The following SNX9 variants were observed in gnomAD, a reference collection of about 807,000 sequenced individuals.
The protein encoded by SNX9 is sorting nexin-9.
In SNX9, 44 loss-of-function variants were observed where a neutral mutation model predicts 89.4. The observed-to-expected ratio is 0.49, with a 90% CI of 0.39 to 0.63. The LOEUF is 0.63. SNX9 is among the 30% of genes least tolerant of loss of function. The pLI, the probability that SNX9 is intolerant of heterozygous loss-of-function variation, is 0.00. For missense variants in SNX9, 578 were observed against 736.1 expected (o/e 0.79, Z 2.49); for synonymous variants, 236 against 247.8 (o/e 0.95, Z 0.45).
chr6:157,836,644 G>A (rs536283303), intron 1 of SNX9, among the ~76,000 whole-genome samples: 2 of 151,486 alleles, frequency 1.3e-5, no homozygotes, highest in African/African-American at 4.8e-5. Flanking sequence ...AGGCTGGAGT[G>A]CAGTGGCGCG....
rs749637373 is a variant in SNX9, at chr6:157,942,865, C to A, written c.*27C>A. ...ACAGAACGGGCCTTGAAGAGAATGCCGCGTGCTTTCTCCTGACTTGGGGCA... is the reference window on the plus strand; with the variant it reads ...ACAGAACGGGCCTTGAAGAGAATGCAGCGTGCTTTCTCCTGACTTGGGGCA... On this transcript the variant is annotated 3_prime_UTR_variant, in exon 18 of 18. Coordinates refer to ENST00000392185, the MANE Select transcript of SNX9 (RefSeq NM_016224.5). 4 of 1,602,684 alleles carry A rather than the reference C, an allele frequency of 2.5e-6. No individual in the cohort carries two copies. Among genetic ancestry groups the A allele is most frequent in the African/African-American group, 1.3e-5 (1 of 74,646 alleles).
At chr6:157,840,476 C>CCCT (rs1448418064) in intron 1 of SNX9, among the ~76,000 whole-genome samples, 8 of 125,876 alleles carry the variant, frequency 6.4e-5, no homozygotes, top group South Asian at 2.2e-4. Flanking sequence ...TCTCCCTTCT[C>CCCT]TCTCTCTCTC....
At chr6:157,869,678 A>C (rs533546244) in intron 2 of SNX9, among the ~76,000 whole-genome samples, 10 of 152,268 alleles carry the variant, frequency 6.6e-5, no homozygotes, top group Non-Finnish European at 1.0e-4. Flanking sequence ...CTAAACGGCC[A>C]GTGTGGCCAG....
intron 12 of SNX9, among the ~76,000 whole-genome samples, chr6:157,930,550 C>G (rs1422212839): frequency 1.3e-5 from 2 of 152,216 alleles, no homozygotes; most frequent in East Asian, 3.9e-4. Context: ...CTCCCCATCA[C>G]TCACATTACC....
At chr6:157,932,073 T>G in intron 12 of SNX9, 122 bp from the exon 13 acceptor site, 1 of 749,152 alleles carries the variant, frequency 1.3e-6, no homozygotes, top group Non-Finnish European at 2.2e-6. Context: ...CAGTATTTTG[T>G]GAAGGAATAT....
In SNX9 at chr6:157,864,509, G is replaced by A. The variant is rs561501284; in HGVS notation, c.13-3038G>A. Among the ~76,000 whole-genome samples, 20 of 152,248 alleles carry A rather than the reference G, an allele frequency of 1.3e-4. No homozygotes were observed. The East Asian group carries it at 3.7e-3, about 28-fold the overall frequency. ...CTAAGTTTAGTAAACAAGAGGCTTA[G>A]GTATTCTATATTTGGAAACTAATTG... On this transcript the variant is annotated intron_variant, in intron 1 of 17. Transcript: ENST00000392185.
chr6:157,892,643 T>G (rs1011082449), intron 4 of SNX9: 1 of 152,252 alleles, frequency 6.6e-6, no homozygotes, highest in African/African-American at 2.4e-5. Context: ...GTTTTTGCCC[T>G]AATTAAATGG....
intron 4 of SNX9, among the ~76,000 whole-genome samples, chr6:157,890,700 G>A (rs1240025086): frequency 2.0e-5 from 3 of 152,200 alleles, no homozygotes; most frequent in African/African-American, 7.2e-5. Flanking sequence ...AGCAGGAGAT[G>A]GCAGGTTACC....
chr6:157,857,905 A>G (rs1291971149), intron 1 of SNX9, among the ~76,000 whole-genome samples: 2 of 152,238 alleles, frequency 1.3e-5, no homozygotes, highest in African/African-American at 4.8e-5. Flanking sequence ...AAAACAACAA[A>G]TACTTTGTAT....
At chr6:157,836,145 CT>C (rs1562589489) in intron 1 of SNX9, among the ~76,000 whole-genome samples, 2 of 152,020 alleles carry the variant, frequency 1.3e-5, no homozygotes, top group East Asian at 3.9e-4. Context: ...GAGACAGGGT[CT>C]CTCTATGTGC....
intron 9 of SNX9, among the ~76,000 whole-genome samples, chr6:157,920,484 C>T (rs1783561215): frequency 6.6e-6 from 1 of 152,144 alleles, no homozygotes; most frequent in South Asian, 2.1e-4. Flanking sequence ...ACCACCATGT[C>T]GAACACGTGG....
At chr6:157,928,073 C>A (rs866392051) in intron 11 of SNX9, among the ~76,000 whole-genome samples, 16 of 152,284 alleles carry the variant, frequency 1.1e-4, no homozygotes, top group African/African-American at 3.6e-4. Flanking sequence ...TGACCTCACA[C>A]TAGACATTTT....
intron 6 of SNX9, among the ~76,000 whole-genome samples, chr6:157,905,445 G>A (rs535746891): frequency 6.6e-6 from 1 of 152,192 alleles, no homozygotes; most frequent in Non-Finnish European, 1.5e-5. Flanking sequence ...TGTTCTAGCT[G>A]TCCTCTAATT....
intron 7 of SNX9, among the ~76,000 whole-genome samples, chr6:157,906,892 A>C (rs1783227780): frequency 6.6e-6 from 1 of 152,216 alleles, no homozygotes. Flanking sequence ...TAACCCTGTA[A>C]CAATTAGATT....
chr6:157,923,515 A>G (rs1239980668), intron 10 of SNX9, among the ~76,000 whole-genome samples: 2 of 152,236 alleles, frequency 1.3e-5, no homozygotes, highest in African/African-American at 4.8e-5. Context: ...AAAGATCTAC[A>G]TAGAAAACTA....
intron 1 of SNX9, among the ~76,000 whole-genome samples, chr6:157,845,573 T>C (rs1007000428): frequency 9.2e-5 from 14 of 152,370 alleles, no homozygotes; most frequent in Non-Finnish European, 1.9e-4. Context: ...TAATCACAAC[T>C]GGTTCATGGT....
intron 4 of SNX9, among the ~76,000 whole-genome samples, chr6:157,894,483 A>AAAAAG (rs1484288021): frequency 6.6e-6 from 1 of 151,446 alleles, no homozygotes; most frequent in African/African-American, 2.4e-5. Context: ...AAAAAAAAAA[A>AAAAAG]AAAGCTAACA....
At chr6:157,879,431 A>ACACC (rs773273817) in intron 4 of SNX9, among the ~76,000 whole-genome samples, 41 of 152,326 alleles carry the variant, frequency 2.7e-4, no homozygotes, top group Non-Finnish European at 5.1e-4. Flanking sequence ...ACATACACAC[A>ACACC]CACCATAGAT....
At chr6:157,871,816 A>T (rs1229057993) in intron 2 of SNX9, among the ~76,000 whole-genome samples, 2 of 129,090 alleles carry the variant, frequency 1.5e-5, no homozygotes, top group Non-Finnish European at 3.1e-5. Flanking sequence ...TCACCCTGTC[A>T]CCCAGGCTGG....
Sources: allele counts gnomAD v4.1 joint callset (sites outside exome capture counted in the v4.1 genomes callset), GRCh38; gene constraint gnomAD v4.1.1; transcripts MANE v1.5; gene names NCBI Gene and HGNC (gene_info 2026-07-23, HGNC 2026-07-21).